Variants in EYS observed in about 807,000 individuals in gnomAD.
EYS encodes EGF-like photoreceptor maintenance factor.
A neutral mutation model predicts 282.1 loss-of-function variants in EYS; 250 were observed. That is an observed-to-expected ratio of 0.89 (90% CI 0.80 to 0.98). The LOEUF is 0.98. EYS is among the 50% of genes least tolerant of loss of function. The pLI is 0.00. For missense variants in EYS, 4,016 were observed against 3,709.0 expected (o/e 1.08, Z -2.15); for synonymous variants, 1,355 against 1,282.9 (o/e 1.06, Z -1.20).
chr6:65,436,013 T>C (rs1413115612), intron 5 of EYS, among the ~76,000 whole-genome samples: 1 of 152,138 alleles, frequency 6.6e-6, no homozygotes, highest in Non-Finnish European at 1.5e-5. Flanking sequence ...TTTTAAGCCA[T>C]CCAGTACATG....
intron 22 of EYS, among the ~76,000 whole-genome samples, chr6:64,719,961 T>C (rs1409224657): frequency 6.6e-6 from 1 of 152,198 alleles, no homozygotes; most frequent in African/African-American, 2.4e-5. Flanking sequence ...ATAAAAGGTT[T>C]AAACCTATAT....
At chr6:64,198,561 G>A (rs2150320879) in intron 31 of EYS, among the ~76,000 whole-genome samples, 1 of 152,050 alleles carries the variant, frequency 6.6e-6, no homozygotes, top group Non-Finnish European at 1.5e-5. Context: ...CCACTTATGA[G>A]TGAGAACATG....
At chr6:65,199,553 C>T (rs1035380887) in intron 12 of EYS, among the ~76,000 whole-genome samples, 1 of 151,926 alleles carries the variant, frequency 6.6e-6, no homozygotes, top group African/African-American at 2.4e-5. Context: ...CCAGACAGTG[C>T]CATGAAACCA....
intron 26 of EYS, among the ~76,000 whole-genome samples, chr6:64,533,084 G>A (rs1210210639): frequency 6.6e-6 from 1 of 152,196 alleles, no homozygotes; most frequent in East Asian, 1.9e-4. Flanking sequence ...AATGAAGAAT[G>A]TATTTGAAGG....
chr6:65,590,146 G>A (rs979609866), intron 2 of EYS, among the ~76,000 whole-genome samples: 2 of 151,956 alleles, frequency 1.3e-5, no homozygotes, highest in African/African-American at 4.8e-5. Context: ...AAATGATTCT[G>A]AAGATGTAGC....
At chr6:64,730,918 G>C (rs1245691923) in intron 22 of EYS, 1 of 152,002 alleles carries the variant, frequency 6.6e-6, no homozygotes. Flanking sequence ...GATTCATTTG[G>C]GGCAGGCAAT....
intron 12 of EYS, among the ~76,000 whole-genome samples, chr6:65,182,759 C>G (rs1028948421): frequency 2.6e-5 from 4 of 151,766 alleles, no homozygotes. Context: ...AAGTCTCAAA[C>G]AAGACAGTTA....
At chr6:65,118,883 A>C (rs1395987561) in intron 12 of EYS, among the ~76,000 whole-genome samples, 1 of 152,014 alleles carries the variant, frequency 6.6e-6, no homozygotes, top group Non-Finnish European at 1.5e-5. Context: ...TTAAGGAAAA[A>C]AAAAAAAAGA....
chr6:65,019,792 T>C (rs1273335914), intron 13 of EYS, among the ~76,000 whole-genome samples: 2 of 152,080 alleles, frequency 1.3e-5, no homozygotes, highest in Admixed American at 6.5e-5. Flanking sequence ...TGAGACTGGG[T>C]AATTTGTAAA....
intron 8 of EYS, among the ~76,000 whole-genome samples, chr6:65,370,980 CAG>C (rs1438152991): frequency 2.6e-5 from 4 of 151,386 alleles, no homozygotes; most frequent in African/African-American, 9.7e-5. Context: ...ACTGGGAAGC[CAG>C]ATGGCAATAA....
At chr6:65,013,970 G>A (rs891013482) in intron 13 of EYS, among the ~76,000 whole-genome samples, 1 of 152,178 alleles carries the variant, frequency 6.6e-6, no homozygotes, top group African/African-American at 2.4e-5. Flanking sequence ...TTAAGTCCCA[G>A]AATCATAAGG....
chr6:65,364,928 T>C (rs554366627), intron 8 of EYS, among the ~76,000 whole-genome samples: 1 of 151,868 alleles, frequency 6.6e-6, no homozygotes, highest in Admixed American at 6.7e-5. Flanking sequence ...TGATAGTGTG[T>C]GTCAAACATT....
intron 35 of EYS, among the ~76,000 whole-genome samples, chr6:63,930,641 T>TA (rs1764862200): frequency 6.6e-6 from 1 of 152,172 alleles, no homozygotes; most frequent in Non-Finnish European, 1.5e-5. Flanking sequence ...GAAGAATTTT[T>TA]AAAAATCCCA....
At chr6:64,330,767 G>A (rs909407586) in intron 29 of EYS, among the ~76,000 whole-genome samples, 2 of 152,134 alleles carry the variant, frequency 1.3e-5, no homozygotes, top group African/African-American at 4.8e-5. Context: ...GGTATCGCTT[G>A]CTTTCTAACC....
At chr6:65,395,199 G>T (rs991203478) in intron 7 of EYS, among the ~76,000 whole-genome samples, 10 of 152,144 alleles carry the variant, frequency 6.6e-5, no homozygotes, top group African/African-American at 2.2e-4. Context: ...AAGTAGCTAG[G>T]ATTAAAGGCA....
At chr6:65,296,169 A>G (rs766730628) in intron 11 of EYS, 50 bp from the exon 12 acceptor site, 2 of 1,455,034 alleles carry the variant, frequency 1.4e-6, no homozygotes, top group South Asian at 2.8e-5. Flanking sequence ...CTTTATTTTG[A>G]TATATTTAAG....
intron 19 of EYS, among the ~76,000 whole-genome samples, chr6:64,871,317 T>A (rs1766589193): frequency 6.8e-6 from 1 of 147,890 alleles, no homozygotes. Context: ...TTCTCACAGT[T>A]GCTTCTCAAA....
intron 8 of EYS, among the ~76,000 whole-genome samples, chr6:65,373,985 C>T (rs1182720920): frequency 4.6e-5 from 7 of 152,022 alleles, no homozygotes; most frequent in South Asian, 2.1e-4. Flanking sequence ...ATATAAACTG[C>T]GTATGCTTTT....
chr6:65,169,765 C>T (rs571373073), intron 12 of EYS, among the ~76,000 whole-genome samples: 1 of 151,466 alleles, frequency 6.6e-6, no homozygotes, highest in East Asian at 2.0e-4. Flanking sequence ...TAATGATCCT[C>T]AAATTTTGAG....
Sources: allele counts gnomAD v4.1 joint callset (sites outside exome capture counted in the v4.1 genomes callset), GRCh38; gene constraint gnomAD v4.1.1; transcripts MANE v1.5; gene names NCBI Gene and HGNC (gene_info 2026-07-23, HGNC 2026-07-21).